Variants in SPATA6 observed in about 807,000 individuals in gnomAD.
SPATA6 encodes the protein spermatogenesis-associated protein 6.
A neutral mutation model predicts 65.3 loss-of-function variants in SPATA6; 56 were observed. That is an observed-to-expected ratio of 0.86 (90% CI 0.69 to 1.07). SPATA6 has a LOEUF of 1.07. Among genes scored for constraint, SPATA6 ranks in the 50% least tolerant of loss-of-function variants. The pLI, the probability that SPATA6 is intolerant of heterozygous loss-of-function variation, is 0.00. For missense variants in SPATA6, 590 were observed against 594.8 expected (o/e 0.99, Z 0.08); for synonymous variants, 199 against 213.2 (o/e 0.93, Z 0.58).
intron 4 of SPATA6, among the ~76,000 whole-genome samples, chr1:48,412,825 GT>G (rs1652377545): frequency 6.6e-6 from 1 of 151,926 alleles, no homozygotes; most frequent in Admixed American, 6.6e-5. Context: ...CACCATGTTG[GT>G]CAGGCTAGTC....
At chr1:48,415,325 TAG>T (rs1335441031) in intron 3 of SPATA6, among the ~76,000 whole-genome samples, 3 of 152,206 alleles carry the variant, frequency 2.0e-5, no homozygotes, top group East Asian at 1.9e-4. Context: ...TAGATTTTTG[TAG>T]AGTCTTTTAT....
chr1:48,452,643 C>A (rs1220519750), intron 2 of SPATA6, among the ~76,000 whole-genome samples: 1 of 152,180 alleles, frequency 6.6e-6, no homozygotes, highest in Non-Finnish European at 1.5e-5. Context: ...CTCGGCCTCC[C>A]AAAGTGCTGG....
chr1:48,458,101 GA>G (rs1277215505), intron 1 of SPATA6, among the ~76,000 whole-genome samples: 3 of 147,186 alleles, frequency 2.0e-5, no homozygotes, highest in Non-Finnish European at 4.5e-5. Context: ...CAAGCACTAA[GA>G]AAGTAACTTT....
intron 1 of SPATA6, among the ~76,000 whole-genome samples, chr1:48,455,489 TCTC>T (rs568616124): frequency 2.6e-4 from 40 of 151,924 alleles, no homozygotes; most frequent in African/African-American, 9.4e-4. Context: ...TTCCCGCCAT[TCTC>T]CTACCTCAGC....
At position 48,379,360 on chromosome 1, in the gene SPATA6, G is replaced by A. The variant is rs1648287863; in HGVS notation, c.909+5949C>T. Among the ~76,000 whole-genome samples, 3 of 152,114 alleles carry A rather than the reference G, an allele frequency of 2.0e-5. 1 individual carries two copies. The highest frequency in any genetic ancestry group is 2.4e-5 in the African/African-American group (1 of 41,410). ...TCTTGACACGTGGGGATTACAATTC[G>A]AGATGAGATTTGGGTGGGGACACAG... On this transcript the variant is annotated intron_variant, in intron 9 of 12. Coordinates refer to ENST00000371847, the MANE Select transcript of SPATA6 (RefSeq NM_019073.4).
chr1:48,406,304 G>C (rs1651699486), intron 5 of SPATA6, among the ~76,000 whole-genome samples: 1 of 152,126 alleles, frequency 6.6e-6, no homozygotes, highest in Admixed American at 6.5e-5. Flanking sequence ...CAATTTATTA[G>C]ATCAGGCCCA....
intron 11 of SPATA6, among the ~76,000 whole-genome samples, chr1:48,342,477 G>T (rs1283837654): frequency 6.6e-6 from 1 of 151,944 alleles, no homozygotes; most frequent in African/African-American, 2.4e-5. Context: ...TTAGTCGGAC[G>T]TGGTGGCCCG....
At chr1:48,396,375 T>C (rs1353301536) in intron 7 of SPATA6, among the ~76,000 whole-genome samples, 1 of 151,716 alleles carries the variant, frequency 6.6e-6, no homozygotes, top group Non-Finnish European at 1.5e-5. Flanking sequence ...CAATTTTTCA[T>C]CTAGGTATAT....
intron 1 of SPATA6, among the ~76,000 whole-genome samples, chr1:48,463,594 T>C (rs1657601088): frequency 1.3e-5 from 2 of 152,134 alleles, no homozygotes; most frequent in African/African-American, 4.8e-5. Context: ...TATTGCAAAT[T>C]GCAGAGAAGT....
At chr1:48,312,050 G>A (rs1210116948) in intron 11 of SPATA6, among the ~76,000 whole-genome samples, 1 of 152,182 alleles carries the variant, frequency 6.6e-6, no homozygotes, top group Non-Finnish European at 1.5e-5. Context: ...GCTTGAGTAG[G>A]TAAACAAAGC....
the SPATA6 span, among the ~76,000 whole-genome samples, chr1:48,267,893 A>G: frequency 2.0e-5 from 3 of 150,586 alleles, no homozygotes; most frequent in East Asian, 6.0e-4. Flanking sequence ...CTGGGACCAC[A>G]GGTGCCCGCC....
intron 1 of SPATA6, among the ~76,000 whole-genome samples, chr1:48,468,819 TA>T (rs1259314829): frequency 1.3e-5 from 2 of 152,258 alleles, no homozygotes; most frequent in Non-Finnish European, 2.9e-5. Context: ...TTGAAAAAGT[TA>T]ACTATGGAAC....
At chr1:48,355,584 G>A (rs1646634960) in intron 11 of SPATA6, 86 bp downstream of exon 11, 2 of 915,020 alleles carry the variant, frequency 2.2e-6, no homozygotes, top group South Asian at 1.9e-5. Context: ...TCTTCCCGGT[G>A]ACTAAATTTT....
At chr1:48,266,374 A>C in the SPATA6 span, among the ~76,000 whole-genome samples, 1 of 152,172 alleles carries the variant, frequency 6.6e-6, no homozygotes, top group Admixed American at 6.6e-5. Flanking sequence ...TCAGACACTA[A>C]CACTCCCACC....
At chr1:48,451,492 A>T in intron 3 of SPATA6, 60 bp downstream of exon 3, 1 of 1,508,670 alleles carries the variant, frequency 6.6e-7, no homozygotes, top group Non-Finnish European at 9.1e-7. Context: ...ATTAAAGATC[A>T]TAAGGATAAT....
rs555787648 is a variant in SPATA6 at position 48,343,540 on chromosome 1, G to C, written c.1194+12130C>G. ...ATCTTTGCATTGGATTTGCCAGAGAGAGAGGGAAGGAAAGTAGAGATGGAG... is the reference window on the plus strand; with the variant it reads ...ATCTTTGCATTGGATTTGCCAGAGACAGAGGGAAGGAAAGTAGAGATGGAG... On this transcript the variant is annotated intron_variant, in intron 11 of 12. Coordinates refer to ENST00000371847, the MANE Select transcript of SPATA6 (RefSeq NM_019073.4). Among the ~76,000 whole-genome samples, 79 of 152,234 alleles carry C rather than the reference G, an allele frequency of 5.2e-4. 1 individual carries two copies. Among genetic ancestry groups the C allele is most frequent in the African/African-American group, 1.9e-3 (78 of 41,562 alleles).
chr1:48,274,835 T>C, the SPATA6 span, among the ~76,000 whole-genome samples: 1 of 152,312 alleles, frequency 6.6e-6, no homozygotes, highest in African/African-American at 2.4e-5. Context: ...TCTTTATGGT[T>C]CCATATGAAA....
At chr1:48,445,459 G>A (rs1004849191) in intron 3 of SPATA6, among the ~76,000 whole-genome samples, 2 of 152,032 alleles carry the variant, frequency 1.3e-5, no homozygotes, top group African/African-American at 4.8e-5. Flanking sequence ...GTCAGATCGA[G>A]ACCATCCTGG....
intron 1 of SPATA6, among the ~76,000 whole-genome samples, chr1:48,462,809 G>A (rs1054236123): frequency 6.6e-6 from 1 of 152,196 alleles, no homozygotes; most frequent in Non-Finnish European, 1.5e-5. Context: ...TAAGGGATAC[G>A]TGAGTAGCTG....
Sources: gnomAD v4.1 joint callset for allele counts (sites outside exome capture counted in the v4.1 genomes callset) on GRCh38, gnomAD v4.1.1 for gene constraint, MANE v1.5 for transcripts, NCBI Gene and HGNC (gene_info 2026-07-23, HGNC 2026-07-21) for gene names.